The following CACNA1S variants were observed in gnomAD, a reference collection of about 807,000 sequenced individuals.
CACNA1S encodes voltage-dependent L-type calcium channel subunit alpha-1S.
CACNA1S carries 126 observed loss-of-function variants against 207.4 expected under a neutral mutation model. That is an observed-to-expected ratio of 0.61 (90% CI 0.53 to 0.70). The LOEUF (loss-of-function observed/expected upper bound fraction) is 0.70. Among genes scored for constraint, CACNA1S ranks in the 30% least tolerant of loss-of-function variants. CACNA1S has a pLI of 0.00. For missense variants in CACNA1S, 2,349 were observed against 2,422.8 expected, an observed-to-expected ratio of 0.97 and a Z score of 0.64; for synonymous variants, 960 against 932.7, an observed-to-expected ratio of 1.03 and a Z score of -0.53.
chr1:201,050,556 A>G (rs1165838429), intron 33 of CACNA1S, 40 bp from the exon 34 acceptor site: 1 of 1,612,826 alleles, frequency 6.2e-7, no homozygotes, highest in African/African-American at 1.3e-5. Context: ...ACAGAAAGGC[A>G]GGTGGTACAG....
At chr1:201,079,125 A>AAC (rs1368035343) in intron 10 of CACNA1S, among the ~76,000 whole-genome samples, 2 of 150,318 alleles carry the variant, frequency 1.3e-5, no homozygotes, top group African/African-American at 4.9e-5. Context: ...ATCTCAAAAA[A>AAC]AAAAAAACAA....
At chr1:201,110,582 AC>A (rs780217299) in intron 1 of CACNA1S, among the ~76,000 whole-genome samples, 2 of 151,892 alleles carry the variant, frequency 1.3e-5, no homozygotes, top group Non-Finnish European at 2.9e-5. Flanking sequence ...ACACCGCTCC[AC>A]TCTCAGCGCC....
At position 201,039,748 on chromosome 1, in the gene CACNA1S, G is replaced by T; in HGVS notation, c.*83C>A. 6.4e-7 allele frequency: 1 copy of T among 1,573,938 alleles called. No homozygotes were observed. Among genetic ancestry groups the T allele is most frequent in the Non-Finnish European group, 8.6e-7 (1 of 1,157,778 alleles). ...TGAGAGGGAGGGAGGCTGCTGCGGT[G>T]GGCTAGCCCTTCTCCACCCCAGCAA... On this transcript the variant is annotated 3_prime_UTR_variant, in exon 44 of 44. Transcript: ENST00000362061.
At chr1:201,090,759 G>C (rs1256818966) in intron 5 of CACNA1S, among the ~76,000 whole-genome samples, 1 of 152,178 alleles carries the variant, frequency 6.6e-6, no homozygotes, top group East Asian at 1.9e-4. Flanking sequence ...TTTTCCAGAG[G>C]CTACATGAGT....
In CACNA1S at chr1:201,053,404, A is replaced by T. The variant is rs1467009427; in HGVS notation, c.3795+55T>A. ...CCTGGGGCCCACCCTGGGCTGAGGC[A>T]GATGTCCCTAGTGGCCTCCCCAGGT... On this transcript the variant is annotated intron_variant, in intron 30 of 43. Transcript: ENST00000362061. The surrounding 1 kb of genome is among the most constrained non-coding windows in gnomAD (Gnocchi z 5.1). 8.1e-6 allele frequency: 13 copies of T among 1,613,716 alleles called. No homozygotes were observed. The highest frequency in any genetic ancestry group is 1.3e-5 in the African/African-American group (1 of 74,884).
chr1:201,084,697 C>A (rs984110727), intron 9 of CACNA1S, among the ~76,000 whole-genome samples: 1 of 152,194 alleles, frequency 6.6e-6, no homozygotes, highest in African/African-American at 2.4e-5. Flanking sequence ...CTCCTGGAGG[C>A]TCCCAGTGTC....
intron 2 of CACNA1S, among the ~76,000 whole-genome samples, chr1:201,105,771 C>G (rs1662854453): frequency 6.6e-6 from 1 of 152,158 alleles, no homozygotes; most frequent in African/African-American, 2.4e-5. Flanking sequence ...GAAACCCGGG[C>G]CCCAAGTCTA....
At chr1:201,101,558 T>G (rs1662667095) in intron 2 of CACNA1S, among the ~76,000 whole-genome samples, 1 of 152,218 alleles carries the variant, frequency 6.6e-6, no homozygotes, top group African/African-American at 2.4e-5. Context: ...CGGGTGGCCC[T>G]CCTCTACTGG....
At chr1:201,050,342 G>A (rs767911486) in intron 34 of CACNA1S, 47 bp downstream of exon 34, 8 of 1,608,212 alleles carry the variant, frequency 5.0e-6, no homozygotes, top group Non-Finnish European at 8.5e-7. Flanking sequence ...ACGGTAGGAA[G>A]GGTCTAGGAT....
Position 201,066,132 on chromosome 1 carries a change from G to T in CACNA1S, c.2745+97C>A. On this transcript the variant is annotated intron_variant, in intron 21 of 43. Transcript: ENST00000362061. The surrounding 1 kb of genome is among the most constrained non-coding windows in gnomAD (Gnocchi z 4.3). ...CTATCTGCCCAGGGAGATGGGACAG[G>T]GGTCCCAGCCATGGCTGGGCTGAGG... The T allele has an allele frequency of 8.3e-7, 1 of 1,206,194 alleles. No individual in the cohort carries two copies. The allele number at this position is 1,206,194 out of a possible 1,614,324, so 74.7% of individuals were successfully genotyped here. A position where few individuals can be genotyped will look rare whatever the true frequency, so the allele number is the denominator to read the frequency against.
chr1:201,097,413 G>A (rs1662474470), intron 2 of CACNA1S, among the ~76,000 whole-genome samples: 1 of 152,120 alleles, frequency 6.6e-6, no homozygotes, highest in Admixed American at 6.6e-5. Context: ...ATGACTTTCA[G>A]GTCCCCTAGC....
chr1:201,046,762 G>A (rs1353546660), intron 38 of CACNA1S, among the ~76,000 whole-genome samples: 3 of 152,114 alleles, frequency 2.0e-5, no homozygotes, highest in Non-Finnish European at 4.4e-5. Context: ...TTGAACTCCT[G>A]ACCTCAAGTA....
intron 28 of CACNA1S, among the ~76,000 whole-genome samples, chr1:201,057,115 GT>G (rs1660875823): frequency 1.3e-5 from 2 of 152,308 alleles, no homozygotes; most frequent in African/African-American, 4.8e-5. Flanking sequence ...CCTCCAAAGG[GT>G]TCTCATCTCC....
intron 38 of CACNA1S, among the ~76,000 whole-genome samples, chr1:201,045,104 T>G (rs1174452557): frequency 6.6e-6 from 1 of 152,226 alleles, no homozygotes; most frequent in Admixed American, 6.5e-5. Context: ...GTCATATATA[T>G]ATAGTTGAGC....
chr1:201,094,366 T>C (rs1344096976), intron 2 of CACNA1S, among the ~76,000 whole-genome samples: 1 of 152,182 alleles, frequency 6.6e-6, no homozygotes, highest in Non-Finnish European at 1.5e-5. Context: ...ATATATATAT[T>C]ATACATATAA....
At position 201,067,087 on chromosome 1, in the gene CACNA1S, A is replaced by G; in HGVS notation, c.2551-94T>C. On this transcript the variant is annotated intron_variant, in intron 19 of 43. Coordinates refer to ENST00000362061, the MANE Select transcript of CACNA1S (RefSeq NM_000069.3). The stretch of plus-strand genomic sequence containing the variant: ...GCTTCTCGCCTCTGCTCAGGAGAGC[A>G]CTTACTGAGGCAATAGCCTTCCAGA... 7.4e-6 allele frequency: 6 copies of G among 806,354 alleles called. No homozygotes were observed. In the South Asian group the frequency reaches 8.6e-5, roughly 12 times the overall value. The allele number at this position is 806,354 out of a possible 1,614,324, so 49.9% of individuals were successfully genotyped here.
At chr1:201,089,136 G>A (rs1662132480) in intron 6 of CACNA1S, 122 bp downstream of exon 6, 1 of 863,554 alleles carries the variant, frequency 1.2e-6, no homozygotes, top group Non-Finnish European at 1.9e-6. Flanking sequence ...GAGCAAGAGG[G>A]AGCTGTGGTC....
Position 201,060,691 on chromosome 1 carries a change from G to A in CACNA1S, c.3381C>T (p.Leu1127=), listed in dbSNP as rs749287388. ...CGAGGCAGATGGTGTTGAGCATGAT[G>A]AGGGCAAACATCAGGTATTCAAAGT... is the stretch of plus-strand genomic sequence containing the variant. ...SSYFEYLMFA[L]IMLNTICLGM... Residue 1127 remains leucine (L), a synonymous_variant, in exon 26 of 44, where the codon CTC becomes CTT. Coordinates refer to ENST00000362061, the MANE Select transcript of CACNA1S (RefSeq NM_000069.3). 19 of 1,614,092 alleles carry A rather than the reference G, an allele frequency of 1.2e-5. No homozygotes were observed. The South Asian group carries it at 1.9e-4, about 16-fold the overall frequency.
At chr1:201,067,519 C>T (rs1661290575) in intron 19 of CACNA1S, among the ~76,000 whole-genome samples, 1 of 152,214 alleles carries the variant, frequency 6.6e-6, no homozygotes, top group Non-Finnish European at 1.5e-5. Context: ...TGCACAAATG[C>T]ATTTTGCCCT....
Sources: gnomAD v4.1 joint callset for allele counts (sites outside exome capture counted in the v4.1 genomes callset) on GRCh38, gnomAD v4.1.1 for gene constraint, Gnocchi (gnomAD v3.1) non-coding constraint, MANE v1.5 for transcripts, NCBI Gene and HGNC (gene_info 2026-07-23, HGNC 2026-07-21) for gene names.